CARS1: variants seen among roughly 807,000 people sequenced by gnomAD.
The protein encoded by CARS1 is cysteinyl-tRNA synthetase 1.
In CARS1, 48 loss-of-function variants were observed where a neutral mutation model predicts 106.2. The observed-to-expected ratio is 0.45, with a 90% CI of 0.36 to 0.57. CARS1 has a LOEUF of 0.57. Ranked by LOEUF, CARS1 falls within the 20% of genes least tolerant of loss-of-function variation. The pLI is 0.00. For synonymous variants in CARS1, 409 were observed against 403.4 expected (o/e 1.01, Z -0.17); for missense variants, 968 against 1,057.2 (o/e 0.92, Z 1.17).
In CARS1 at chr11:3,043,026, T is replaced by C. The variant is rs1326076546; in HGVS notation, c.275-770A>G. ...GGGCTTCAAGCTCCACATAGGTCTA[T>C]ACTGCCTTCATAAATAACCTGAGCT... On this transcript the variant is annotated intron_variant, in intron 2 of 22. Coordinates refer to ENST00000380525, the MANE Select transcript of CARS1 (RefSeq NM_001014437.3). The surrounding 1 kb of genome is among the most constrained non-coding windows in gnomAD (Gnocchi z 4.0). Among the ~76,000 whole-genome samples the C allele has an allele frequency of 2.6e-5, 4 of 152,178 alleles. No individual in the cohort carries two copies. The highest frequency in any genetic ancestry group is 4.4e-5 in the Non-Finnish European group (3 of 68,022).
In CARS1 at chr11:3,017,429, G is replaced by A. The variant is rs2855566; in HGVS notation, c.1728-134C>T. ...AGGCTGAGGTGGGCGGATCACCTGA[G>A]GTCGGGAGTTCGAGACCAGCCTGAC... On this transcript the variant is annotated intron_variant, in intron 15 of 22. Transcript: ENST00000380525. This position sits in a 1 kb window ranked among gnomAD's most constrained non-coding sequence, Gnocchi z 4.9. The A allele has an allele frequency of 5.6e-6, 4 of 709,594 alleles. No homozygotes were observed. Among genetic ancestry groups the A allele is most frequent in the Non-Finnish European group, 9.4e-6 (4 of 423,306 alleles). 44.0% of individuals were successfully genotyped at this position (709,594 alleles called of 1,614,324 possible).
chr11:3,027,777 C>T (rs1852250298), intron 9 of CARS1: 3 of 453,412 alleles, frequency 6.6e-6, no homozygotes, highest in Non-Finnish European at 1.3e-5. Context: ...GTGGTAACGC[C>T]AGCGTCTGGG....
rs1427956420 is a variant in CARS1 at position 3,039,594 on chromosome 11, A to C, written c.552+241T>G. Among the ~76,000 whole-genome samples, 1 of 152,230 alleles carries C rather than the reference A, an allele frequency of 6.6e-6. No individual in the cohort carries two copies. The highest frequency in any genetic ancestry group is 6.5e-5 in the Admixed American group (1 of 15,286). Reference sequence around the variant, plus strand: ...TGCTGTGGGAGGCCTTCCTTCTGCAAAACACCCAGGGCTACCGACCCCTGA... The same window carrying C: ...TGCTGTGGGAGGCCTTCCTTCTGCACAACACCCAGGGCTACCGACCCCTGA... On this transcript the variant is annotated intron_variant, in intron 5 of 22. Transcript: ENST00000380525. This position sits in a 1 kb window ranked among gnomAD's most constrained non-coding sequence, Gnocchi z 5.6.
Position 3,050,364 on chromosome 11 carries a change from G to A in CARS1, c.26-2363C>T, listed in dbSNP as rs940275146. 6.6e-6 allele frequency among the ~76,000 whole-genome samples: 1 copy of A among 152,072 alleles called. No homozygotes were observed. The highest frequency in any genetic ancestry group is 6.6e-5 in the Admixed American group (1 of 15,260). On this transcript the variant is annotated intron_variant, in intron 1 of 22. Transcript: ENST00000380525. This position sits in a 1 kb window ranked among gnomAD's most constrained non-coding sequence, Gnocchi z 6.3. The stretch of plus-strand genomic sequence containing the variant: ...CACAGGCACCCAGAAGCAAAGCTCT[G>A]GGCACACTCCCTAGCCAAAACTGGA...
At position 3,018,477 on chromosome 11, in the gene CARS1, C is replaced by T. The variant is rs1449072425; in HGVS notation, c.1560G>A (p.Ser520=). ...RQLRLAFLMH[S]WKDTLDYSSN... ...TGGAGTAGTCCAGGGTGTCCTTCCA[C>T]GAGTGCATGAGGAAGGCCAGCCGCA... The change falls in exon 14 of 23, where the codon TCG becomes TCA. Residue 520 remains serine, a synonymous_variant. Coordinates refer to ENST00000380525, the MANE Select transcript of CARS1 (RefSeq NM_001014437.3). 1.1e-5 allele frequency: 17 copies of T among 1,613,970 alleles called. No homozygotes were observed. Among genetic ancestry groups the T allele is most frequent in the African/African-American group, 1.3e-5 (1 of 74,894 alleles).
chr11:3,049,675 C>G (rs1855461202), intron 1 of CARS1, among the ~76,000 whole-genome samples: 1 of 152,248 alleles, frequency 6.6e-6, no homozygotes, highest in Admixed American at 6.5e-5. Flanking sequence ...TCTGGCCACC[C>G]CTTGCTGTGC....
intron 18 of CARS1, among the ~76,000 whole-genome samples, chr11:3,010,659 G>A (rs529799992): frequency 6.6e-6 from 1 of 152,292 alleles, no homozygotes; most frequent in African/African-American, 2.4e-5. Context: ...CTCTCACCCA[G>A]TGTCCTGCAC....
Position 3,017,472 on chromosome 11 carries a change from C to T in CARS1, c.1728-177G>A. ...AGCCTGACAAACATGGAGAGACCCC[C>T]ACCTCTACTAAAAATCTGAAATTAG... is the stretch of plus-strand genomic sequence containing the variant. On this transcript the variant is annotated intron_variant, in intron 15 of 22. Transcript: ENST00000380525. This position sits in a 1 kb window ranked among gnomAD's most constrained non-coding sequence, Gnocchi z 4.9. 1.7e-6 allele frequency: 1 copy of T among 595,610 alleles called. No homozygotes were observed. The highest frequency in any genetic ancestry group is 2.1e-5 in the South Asian group (1 of 47,662). The allele number at this position is 595,610 out of a possible 1,614,324, so 36.9% of individuals were successfully genotyped here. A position where few individuals can be genotyped will look rare whatever the true frequency, so the allele number is the denominator to read the frequency against.
intron 18 of CARS1, 69 bp downstream of exon 18, chr11:3,012,126 G>C (rs1446971322): frequency 7.2e-7 from 1 of 1,383,766 alleles, no homozygotes; most frequent in Non-Finnish European, 1.0e-6. Context: ...TGCCTCGGGG[G>C]AGACGCCCGG....
Position 3,028,921 on chromosome 11 carries a change from G to T in CARS1, c.1031+75C>A. The T allele has an allele frequency of 3.0e-6, 3 of 1,015,144 alleles. No homozygotes were observed. The highest frequency in any genetic ancestry group is 4.7e-6 in the Non-Finnish European group (3 of 644,468). The allele number at this position is 1,015,144 out of a possible 1,614,324, so 62.9% of individuals were successfully genotyped here. A position where few individuals can be genotyped will look rare whatever the true frequency, so the allele number is the denominator to read the frequency against. On this transcript the variant is annotated intron_variant, in intron 9 of 22. Coordinates refer to ENST00000380525, the MANE Select transcript of CARS1 (RefSeq NM_001014437.3). The surrounding 1 kb of genome is among the most constrained non-coding windows in gnomAD (Gnocchi z 4.4). Reference sequence around the variant, plus strand: ...CTGCTCCTCTGCTTCCCAAACTCAGGCTCAGAGCTGGGGAGCTCCTCCCTG... The same window carrying T: ...CTGCTCCTCTGCTTCCCAAACTCAGTCTCAGAGCTGGGGAGCTCCTCCCTG...
Position 3,012,223 on chromosome 11 carries a change from T to C in CARS1, c.2040A>G (p.Gly680=). ...TTTGCTCTCGGGCAATCTTCCGCAC[T>C]CCTTCTCGGAATTCTGATAACACCT... The part of the protein sequence containing the change: ...YLQVLSEFRE[G]VRKIAREQKV... The change falls in exon 18 of 23, where the codon GGA becomes GGG. Residue 680 remains glycine, a synonymous_variant. Transcript: ENST00000380525. 6.2e-7 allele frequency: 1 copy of C among 1,614,192 alleles called. No individual in the cohort carries two copies. The highest frequency in any genetic ancestry group is 8.5e-7 in the Non-Finnish European group (1 of 1,180,002).
At position 3,046,190 on chromosome 11, in the gene CARS1, A is replaced by T. The variant is rs1306598612; in HGVS notation, c.274+1563T>A. Among the ~76,000 whole-genome samples the T allele has an allele frequency of 6.6e-6, 1 of 152,190 alleles. No homozygotes were observed. Among genetic ancestry groups the T allele is most frequent in the African/African-American group, 2.4e-5 (1 of 41,450 alleles). On this transcript the variant is annotated intron_variant, in intron 2 of 22. Coordinates refer to ENST00000380525, the MANE Select transcript of CARS1 (RefSeq NM_001014437.3). The surrounding 1 kb of genome is among the most constrained non-coding windows in gnomAD (Gnocchi z 5.8). ...CTCTGTAGGTTAAAAAGTGTTTGCAAGAGCAAAACCCTTCCTTCCTCTCAC... is the reference window on the plus strand; with the variant it reads ...CTCTGTAGGTTAAAAAGTGTTTGCATGAGCAAAACCCTTCCTTCCTCTCAC...
At chr11:3,051,358 C>A (rs556187650) in intron 1 of CARS1, among the ~76,000 whole-genome samples, 3 of 152,316 alleles carry the variant, frequency 2.0e-5, no homozygotes, top group East Asian at 3.9e-4. Context: ...CAGTTACAGG[C>A]CCAGTGTCAG....
At position 3,019,398 on chromosome 11, in the gene CARS1, G is replaced by C; in HGVS notation, c.1267-131C>G. ...GGAACAAGCGTTAAATCCCGCACAT[G>C]AAAAGACTAAGGGAAGGCTGGGCGA... is the stretch of plus-strand genomic sequence containing the variant. On this transcript the variant is annotated intron_variant, in intron 11 of 22. Transcript: ENST00000380525. This position sits in a 1 kb window ranked among gnomAD's most constrained non-coding sequence, Gnocchi z 6.2. 9.5e-7 allele frequency: 1 copy of C among 1,053,218 alleles called. No individual in the cohort carries two copies. Among genetic ancestry groups the C allele is most frequent in the South Asian group, 3.7e-5 (1 of 27,024 alleles). 65.2% of individuals were successfully genotyped at this position (1,053,218 alleles called of 1,614,324 possible).
At position 3,019,868 on chromosome 11, in the gene CARS1, C is replaced by T. The variant is rs1484002478; in HGVS notation, c.1266+352G>A. ...CCTTCCTAGGGTACCCTGCAGTCAA[C>T]AACTCCTGTCACCGGGAAGATCAGA... On this transcript the variant is annotated intron_variant, in intron 11 of 22. Transcript: ENST00000380525. The surrounding 1 kb of genome is among the most constrained non-coding windows in gnomAD (Gnocchi z 6.2). 6.6e-6 allele frequency among the ~76,000 whole-genome samples: 1 copy of T among 152,184 alleles called. No homozygotes were observed. The highest frequency in any genetic ancestry group is 1.9e-4 in the East Asian group (1 of 5,200).
chr11:3,055,245 C>T (rs1349914550), intron 1 of CARS1, among the ~76,000 whole-genome samples: 1 of 152,128 alleles, frequency 6.6e-6, no homozygotes, highest in Non-Finnish European at 1.5e-5. Flanking sequence ...ACTGCAAGCT[C>T]CGCCTCCTGG....
In CARS1 at chr11:3,017,791, A is replaced by G; in HGVS notation, c.1727+66T>C. The G allele has an allele frequency of 6.6e-6, 7 of 1,063,366 alleles. No individual in the cohort carries two copies. Among genetic ancestry groups the G allele is most frequent in the Non-Finnish European group, 8.8e-6 (6 of 682,744 alleles). The allele number at this position is 1,063,366 out of a possible 1,614,324, so 65.9% of individuals were successfully genotyped here. A position where few individuals can be genotyped will look rare whatever the true frequency, so the allele number is the denominator to read the frequency against. On this transcript the variant is annotated intron_variant, in intron 15 of 22. Coordinates refer to ENST00000380525, the MANE Select transcript of CARS1 (RefSeq NM_001014437.3). This position sits in a 1 kb window ranked among gnomAD's most constrained non-coding sequence, Gnocchi z 4.9. ...CGACAGTCCAGGACACATGGTGGCCAAGATGCGAGGCTAGGCATAGAACAT... is the reference window on the plus strand; with the variant it reads ...CGACAGTCCAGGACACATGGTGGCCGAGATGCGAGGCTAGGCATAGAACAT...
Position 3,029,397 on chromosome 11 carries a change from G to A in CARS1, c.848C>T (p.Ser283Phe). 1.2e-6 allele frequency: 2 copies of A among 1,614,066 alleles called. No individual in the cohort carries two copies. Among genetic ancestry groups the A allele is most frequent in the Non-Finnish European group, 1.7e-6 (2 of 1,179,984 alleles). ...GTCAGTGACATCACAGCCAAGTGTA[G>A]AATCCAGCCAGTCAGAGAGCAAATC... is the stretch of plus-strand genomic sequence containing the variant. The part of the protein sequence containing the change: ...AKDLLSDWLD[S>F]TLGCDVTDNS... The change falls in exon 8 of 23, where the codon TCT becomes TTT. Residue 283 changes from serine (S) to phenylalanine (F), a missense_variant. Ser to Phe is a radical substitution (Grantham distance 155). Transcript: ENST00000380525. The surrounding 1 kb of genome is among the most constrained non-coding windows in gnomAD (Gnocchi z 5.9).
chr11:3,005,454 G>A lies in CARS1; in HGVS notation c.2150-21C>T, dbSNP rs1254946061. On this transcript the variant is annotated intron_variant, in intron 19 of 22. Coordinates refer to ENST00000380525, the MANE Select transcript of CARS1 (RefSeq NM_001014437.3). ...CAGTCCTGCAAAATAAACTGCGTGT[G>A]AGAAGAGTCTGGGCTCTGTGGGCCG... 3 of 1,605,944 alleles carry A rather than the reference G, an allele frequency of 1.9e-6. No individual in the cohort carries two copies. In the South Asian group the frequency reaches 3.3e-5, roughly 18 times the overall value.
Sources: allele counts gnomAD v4.1 joint callset (sites outside exome capture counted in the v4.1 genomes callset), GRCh38; gene constraint gnomAD v4.1.1; non-coding constraint Gnocchi (gnomAD v3.1); transcripts MANE v1.5; gene names NCBI Gene and HGNC (gene_info 2026-07-23, HGNC 2026-07-21).